SOD2: variants seen among roughly 807,000 people sequenced by gnomAD.
SOD2 encodes the protein superoxide dismutase [Mn], mitochondrial.
SOD2 carries 11 observed loss-of-function variants against 27.0 expected under a neutral mutation model. That is an observed-to-expected ratio of 0.41 (90% confidence interval 0.26 to 0.67). SOD2 has a LOEUF of 0.67. SOD2 is among the 30% of genes least tolerant of loss of function. The pLI is 0.34. For missense variants in SOD2, 250 were observed against 274.5 expected (o/e 0.91, Z 0.63); for synonymous variants, 105 against 103.0 (o/e 1.02, Z -0.12).
intron 1 of SOD2, 95 bp from the exon 2 acceptor site, chr6:159,692,958 A>AGTCCCCGC (rs1777303042): frequency 1.5e-6 from 2 of 1,362,422 alleles, no homozygotes; most frequent in African/African-American, 1.5e-5. Flanking sequence ...GCGTCCCCCG[A>AGTCCCCGC]GTCCCCGCGT....
chr6:159,715,580 A>T (rs866832339), intron 1 of SOD2, among the ~76,000 whole-genome samples: 6 of 152,200 alleles, frequency 3.9e-5, no homozygotes, highest in Non-Finnish European at 8.8e-5. Context: ...CAAGCAACAG[A>T]GGCAAACAGA....
At chr6:159,721,142 G>A (rs1458958459) in intron 1 of SOD2, among the ~76,000 whole-genome samples, 7 of 148,414 alleles carry the variant, frequency 4.7e-5, no homozygotes, top group Non-Finnish European at 8.9e-5. Flanking sequence ...ATCTCAGCTC[G>A]CTGCAAGCTC....
chr6:159,727,126 T>C, intron 1 of SOD2: 2 of 1,195,790 alleles, frequency 1.7e-6, no homozygotes, highest in Non-Finnish European at 2.1e-6. Context: ...CCGCTTCCCT[T>C]ACTGAGCTTG....
upstream of SOD2, among the ~76,000 whole-genome samples, chr6:159,728,302 A>T (rs976300253): frequency 6.6e-6 from 1 of 152,180 alleles, no homozygotes; most frequent in Non-Finnish European, 1.5e-5. Flanking sequence ...AAGTCTGTGT[A>T]CACGTAATGG....
intron 1 of SOD2, among the ~76,000 whole-genome samples, chr6:159,732,689 T>G (rs1225503364): frequency 2.0e-5 from 3 of 152,012 alleles, no homozygotes; most frequent in African/African-American, 7.3e-5. Flanking sequence ...CCGGGCGTGG[T>G]GGCAGGCACC....
upstream of SOD2, chr6:159,727,709 C>T (rs2475566): frequency 0.79 from 777,137 of 984,826 alleles, 307,107 homozygotes; most frequent in South Asian, 0.85. Context: ...GAGAGGTAGG[C>T]GCGGGCCGGC....
chr6:159,739,851 T>C (rs1934230233), intron 1 of SOD2, among the ~76,000 whole-genome samples: 1 of 54,728 alleles, frequency 1.8e-5, no homozygotes, highest in Admixed American at 1.9e-4. Flanking sequence ...TTTTTTTTTT[T>C]TTTTTTGCCA....
intron 3 of SOD2, 86 bp from the exon 4 acceptor site, chr6:159,685,119 T>C (rs758736055): frequency 1.8e-5 from 17 of 967,176 alleles, no homozygotes; most frequent in South Asian, 7.1e-5. Flanking sequence ...TATTAAAATA[T>C]TTTTGTCATA....
At chr6:159,700,654 A>G (rs1012720794) in intron 1 of SOD2, among the ~76,000 whole-genome samples, 1 of 28,344 alleles carries the variant, frequency 3.5e-5, no homozygotes, top group Non-Finnish European at 6.5e-5. Flanking sequence ...CTCTGTCTCA[A>G]AAAAAAAAAA....
At chr6:159,710,818 C>G (rs937566483) in intron 1 of SOD2, among the ~76,000 whole-genome samples, 3 of 150,406 alleles carry the variant, frequency 2.0e-5, no homozygotes, top group African/African-American at 7.3e-5. Flanking sequence ...CCTCCACAAC[C>G]ACCACTCACA....
Position 159,700,267 on chromosome 6 carries a change from G to A in SOD2, c.-115-7404C>T, listed in dbSNP as rs138580712. Among the ~76,000 whole-genome samples, 441 of 152,250 alleles carry A rather than the reference G, an allele frequency of 2.9e-3. 2 individuals are homozygous for A. Among genetic ancestry groups the A allele is most frequent in the African/African-American group, 9.8e-3 (409 of 41,536 alleles). Reference sequence around the variant, plus strand: ...TGCCACTCCACTTTAGAGAATTAATGGAAATTAGAGACAACACATTACTAG... The same window carrying A: ...TGCCACTCCACTTTAGAGAATTAATAGAAATTAGAGACAACACATTACTAG... On this transcript the variant is annotated intron_variant, in intron 1 of 2. Coordinates refer to the SOD2 transcript ENST00000401980.
rs188825225 is a variant in SOD2 at position 159,714,392 on chromosome 6, C to A, written c.-116+12737G>T. On this transcript the variant is annotated intron_variant, in intron 1 of 2. Transcript: ENST00000401980. ...TCCCTCCAAGGGAAGATAAGCCTAG[C>A]TTCCATCGGGAACAGACCCGCACAT... Among the ~76,000 whole-genome samples, 42 of 152,298 alleles carry A rather than the reference C, an allele frequency of 2.8e-4. 1 individual carries two copies. Among genetic ancestry groups the A allele is most frequent in the African/African-American group, 9.9e-4 (41 of 41,576 alleles).
At chr6:159,726,524 T>C (rs1778176682) in intron 1 of SOD2, 1 of 325,670 alleles carries the variant, frequency 3.1e-6, no homozygotes, top group Non-Finnish European at 6.1e-6. Flanking sequence ...CGTGCTCTTC[T>C]AGTAAGTGTT....
intron 1 of SOD2, among the ~76,000 whole-genome samples, chr6:159,741,197 A>C (rs545154283): frequency 3.9e-4 from 60 of 152,258 alleles, no homozygotes; most frequent in African/African-American, 1.3e-3. Context: ...CTTTATTGCT[A>C]AGAGGACCTA....
At chr6:159,721,432 G>A (rs1191901039) in intron 1 of SOD2, among the ~76,000 whole-genome samples, 2 of 151,094 alleles carry the variant, frequency 1.3e-5, no homozygotes, top group Middle Eastern at 3.2e-3. Context: ...GCAATGGTGC[G>A]ATCTTGGCTC....
intron 1 of SOD2, among the ~76,000 whole-genome samples, chr6:159,739,996 GT>G (rs201265156): frequency 6.6e-6 from 1 of 150,808 alleles, no homozygotes; most frequent in African/African-American, 2.4e-5. Flanking sequence ...TCAATGCTGG[GT>G]TTTTTTTTGT....
At chr6:159,740,787 G>A (rs1300277739) in intron 1 of SOD2, among the ~76,000 whole-genome samples, 4 of 148,068 alleles carry the variant, frequency 2.7e-5, no homozygotes, top group Non-Finnish European at 5.9e-5. Flanking sequence ...CACTGCAACC[G>A]CCGCCTCCCG....
rs1449007929 is a variant in SOD2, at chr6:159,669,477, G to A, written c.*13016C>T. The A allele has an allele frequency of 6.6e-6, 1 of 151,968 alleles. No individual in the cohort carries two copies. The highest frequency in any genetic ancestry group is 1.5e-5 in the Non-Finnish European group (1 of 68,008). The allele number at this position is 151,968 out of a possible 1,614,324, so 9.4% of individuals were successfully genotyped here. A position where few individuals can be genotyped will look rare whatever the true frequency, so the allele number is the denominator to read the frequency against. On this transcript the variant is annotated 3_prime_UTR_variant, in exon 5 of 5. Transcript: ENST00000538183. ...CTAATAATATTTGCTTTATATCTGGGTCATCCAGTGTGGGGTACATATATA... is the reference window on the plus strand; with the variant it reads ...CTAATAATATTTGCTTTATATCTGGATCATCCAGTGTGGGGTACATATATA...
chr6:159,741,900 T>C (rs1779279148), intron 1 of SOD2: 1 of 480,520 alleles, frequency 2.1e-6, no homozygotes, highest in Non-Finnish European at 3.7e-6. Context: ...GCCCAGACCC[T>C]GTTTGCGCCA....
Sources: allele counts gnomAD v4.1 joint callset (sites outside exome capture counted in the v4.1 genomes callset), GRCh38; gene constraint gnomAD v4.1.1; transcripts MANE v1.5; gene names NCBI Gene and HGNC (gene_info 2026-07-23, HGNC 2026-07-21).